The following CPA3 variants were observed in gnomAD, a reference collection of about 807,000 sequenced individuals.
CPA3 encodes mast cell carboxypeptidase A.
CPA3 carries 52 observed loss-of-function variants against 55.8 expected under a neutral mutation model. The ratio of observed to expected loss-of-function variants is 0.93; its 90% CI spans 0.75 to 1.17. The LOEUF is 1.17. CPA3 is among the 50% of genes most tolerant of loss of function. The pLI is 0.00. For synonymous variants in CPA3, 179 were observed against 171.2 expected (o/e 1.05, Z -0.36); for missense variants, 547 against 509.1 (o/e 1.07, Z -0.72).
intron 10 of CPA3, among the ~76,000 whole-genome samples, chr3:148,890,840 T>A (rs1172865825): frequency 6.6e-6 from 1 of 152,230 alleles, no homozygotes; most frequent in Non-Finnish European, 1.5e-5. Flanking sequence ...CGGTTTCATT[T>A]TGATTTGTTC....
intron 3 of CPA3, among the ~76,000 whole-genome samples, chr3:148,871,495 G>T (rs1714066707): frequency 6.6e-6 from 1 of 152,142 alleles, no homozygotes; most frequent in African/African-American, 2.4e-5. Flanking sequence ...AGACACCTAG[G>T]CAGGCAGCTA....
intron 3 of CPA3, among the ~76,000 whole-genome samples, chr3:148,871,342 A>G (rs902234601): frequency 1.3e-5 from 2 of 152,220 alleles, no homozygotes; most frequent in Non-Finnish European, 2.9e-5. Context: ...GCCAAATTTT[A>G]TATAATTTGG....
chr3:148,871,149 G>A (rs748755866), intron 3 of CPA3, among the ~76,000 whole-genome samples: 9 of 151,980 alleles, frequency 5.9e-5, no homozygotes, highest in Non-Finnish European at 1.2e-4. Flanking sequence ...CACTCACCTC[G>A]GCCTAGCCAC....
chr3:148,897,080 C>T lies in CPA3; in HGVS notation c.*373C>T, dbSNP rs1714850393. ...ACAATAAAATAAAATGCACTTAATG[C>T]TTTAAAATTCATCTTTTTATGATAA... On this transcript the variant is annotated 3_prime_UTR_variant, in exon 11 of 11. Coordinates refer to ENST00000296046, the MANE Select transcript of CPA3 (RefSeq NM_001870.4). The T allele has an allele frequency of 6.3e-6, 1 of 159,482 alleles. No homozygotes were observed. The highest frequency in any genetic ancestry group is 2.4e-5 in the African/African-American group (1 of 41,758). 9.9% of individuals were successfully genotyped at this position (159,482 alleles called of 1,614,324 possible). A position where few individuals can be genotyped will look rare whatever the true frequency, so the allele number is the denominator to read the frequency against.
At chr3:148,866,754 G>A (rs559641204) in intron 2 of CPA3, among the ~76,000 whole-genome samples, 7 of 152,096 alleles carry the variant, frequency 4.6e-5, no homozygotes, top group African/African-American at 9.6e-5. Flanking sequence ...CCATAGAAGC[G>A]TTTTTTGTTT....
chr3:148,888,404 G>A (rs997484420), intron 10 of CPA3, among the ~76,000 whole-genome samples: 2 of 152,214 alleles, frequency 1.3e-5, no homozygotes, highest in African/African-American at 4.8e-5. Flanking sequence ...TAGTGATACA[G>A]ATGATCCCCA....
At chr3:148,867,563 T>C (rs760351349) in intron 2 of CPA3, among the ~76,000 whole-genome samples, 4 of 152,266 alleles carry the variant, frequency 2.6e-5, no homozygotes, top group African/African-American at 4.8e-5. Flanking sequence ...AACACAGAAA[T>C]GTCTATTGTG....
In CPA3 at chr3:148,896,779, T is replaced by A. The variant is rs1368121981; in HGVS notation, c.*72T>A. ...CTTTCATCAGAAAGTCAATCTTCAGTTATCCCCAAATGCAGCTTCTATTTC... is the reference window on the plus strand; with the variant it reads ...CTTTCATCAGAAAGTCAATCTTCAGATATCCCCAAATGCAGCTTCTATTTC... On this transcript the variant is annotated 3_prime_UTR_variant, in exon 11 of 11. Coordinates refer to ENST00000296046, the MANE Select transcript of CPA3 (RefSeq NM_001870.4). The A allele has an allele frequency of 8.0e-7, 1 of 1,256,358 alleles. No individual in the cohort carries two copies. Among genetic ancestry groups the A allele is most frequent in the African/African-American group, 1.5e-5 (1 of 67,856 alleles). The allele number at this position is 1,256,358 out of a possible 1,614,324, so 77.8% of individuals were successfully genotyped here.
chr3:148,876,480 A>G (rs1187032120), intron 3 of CPA3, among the ~76,000 whole-genome samples: 1 of 151,810 alleles, frequency 6.6e-6, no homozygotes, highest in Non-Finnish European at 1.5e-5. Context: ...GGGTTCAAGC[A>G]ATTTTTATGC....
intron 3 of CPA3, 89 bp downstream of exon 3, chr3:148,869,128 T>G: frequency 1.4e-6 from 2 of 1,441,062 alleles, no homozygotes; most frequent in South Asian, 1.3e-5. Flanking sequence ...GGACCTATTT[T>G]TAATTGGGCC....
Position 148,896,759 on chromosome 3 carries a change from A to G in CPA3, c.*52A>G. On this transcript the variant is annotated 3_prime_UTR_variant, in exon 11 of 11. Coordinates refer to ENST00000296046, the MANE Select transcript of CPA3 (RefSeq NM_001870.4). ...CAATTAATCCTTTTTTGTGCCTTTC[A>G]TCAGAAAGTCAATCTTCAGTTATCC... The G allele has an allele frequency of 7.3e-7, 1 of 1,368,202 alleles. No individual in the cohort carries two copies. The highest frequency in any genetic ancestry group is 9.8e-7 in the Non-Finnish European group (1 of 1,022,860). The allele number at this position is 1,368,202 out of a possible 1,614,324, so 84.8% of individuals were successfully genotyped here.
At chr3:148,889,444 A>C (rs1057119489) in intron 10 of CPA3, among the ~76,000 whole-genome samples, 1 of 152,120 alleles carries the variant, frequency 6.6e-6, no homozygotes, top group Non-Finnish European at 1.5e-5. Context: ...TTTAGAAAAA[A>C]ATATATATAT....
chr3:148,880,701 T>C (rs1296242524), intron 6 of CPA3, among the ~76,000 whole-genome samples: 1 of 152,218 alleles, frequency 6.6e-6, no homozygotes, highest in Non-Finnish European at 1.5e-5. Flanking sequence ...ATTGCCAATG[T>C]ATTTTGACTC....
intron 10 of CPA3, among the ~76,000 whole-genome samples, chr3:148,889,811 A>G (rs1391768044): frequency 2.0e-5 from 3 of 146,692 alleles, no homozygotes; most frequent in Admixed American, 7.1e-5. Context: ...CGGAGGTTGC[A>G]GTGAGCCAAG....
intron 3 of CPA3, 22 bp from the exon 4 acceptor site, chr3:148,878,419 T>C (rs781195825): frequency 6.7e-7 from 1 of 1,493,514 alleles, no homozygotes; most frequent in East Asian, 2.3e-5. Flanking sequence ...AACATGTATT[T>C]TATCATTCCC....
At position 148,870,750 on chromosome 3, in the gene CPA3, T is replaced by C. The variant is rs553194920; in HGVS notation, c.269+1711T>C. ...AGTTTTTCTGTTTTTATAAATCACA[T>C]CATTAAAATTAGACACTTCAAAAAT... On this transcript the variant is annotated intron_variant, in intron 3 of 10. Transcript: ENST00000296046. Among the ~76,000 whole-genome samples, 20 of 152,320 alleles carry C rather than the reference T, an allele frequency of 1.3e-4. No individual in the cohort carries two copies. In the South Asian group the frequency reaches 2.9e-3, roughly 22 times the overall value.
chr3:148,874,748 A>G (rs953883405), intron 3 of CPA3, among the ~76,000 whole-genome samples: 1 of 152,204 alleles, frequency 6.6e-6, no homozygotes, highest in African/African-American at 2.4e-5. Context: ...TCAATCAGCA[A>G]GGAGAAACCA....
chr3:148,893,531 T>C (rs1714730981), intron 10 of CPA3, among the ~76,000 whole-genome samples: 2 of 151,788 alleles, frequency 1.3e-5, no homozygotes, highest in South Asian at 4.1e-4. Context: ...CAGGAACAAA[T>C]GGCATAATAA....
At chr3:148,883,473 C>A in intron 8 of CPA3, 140 bp from the exon 9 acceptor site, 1 of 648,698 alleles carries the variant, frequency 1.5e-6, no homozygotes. Flanking sequence ...GACTATGATA[C>A]AAGAGACATT....
Sources: allele counts gnomAD v4.1 joint callset (sites outside exome capture counted in the v4.1 genomes callset), GRCh38; gene constraint gnomAD v4.1.1; transcripts MANE v1.5; gene names NCBI Gene and HGNC (gene_info 2026-07-23, HGNC 2026-07-21).